BIRC6: variants seen among roughly 807,000 people sequenced by gnomAD.
BIRC6 encodes the protein dual E2 ubiquitin-conjugating enzyme/E3 ubiquitin-protein ligase BIRC6.
Under a neutral mutation model 503.3 loss-of-function variants are expected in BIRC6, and 98 were observed. The ratio of observed to expected loss-of-function variants is 0.19; its 90% CI spans 0.17 to 0.23. The LOEUF is 0.23. Among genes scored for constraint, BIRC6 ranks in the 10% least tolerant of loss-of-function variants. The pLI is 1.00. For synonymous variants in BIRC6, 2,240 were observed against 2,078.7 expected, an observed-to-expected ratio of 1.08 and a Z score of -2.11; for missense variants, 5,360 against 5,806.0, an observed-to-expected ratio of 0.92 and a Z score of 2.50.
chr2:32,598,506 A>G (rs181765100), intron 69 of BIRC6, among the ~76,000 whole-genome samples: 2 of 152,120 alleles, frequency 1.3e-5, no homozygotes, highest in African/African-American at 2.4e-5. Context: ...TGTGAATTAT[A>G]GGTAATACAA....
intron 65 of BIRC6, among the ~76,000 whole-genome samples, chr2:32,571,506 G>GA (rs1412987587): frequency 1.3e-5 from 2 of 150,172 alleles, no homozygotes; most frequent in Non-Finnish European, 3.0e-5. Context: ...ATGTTTCCAG[G>GA]AATTTACTTG....
chr2:32,535,096 C>T (rs1257959792), intron 61 of BIRC6, among the ~76,000 whole-genome samples: 3 of 137,840 alleles, frequency 2.2e-5, no homozygotes, highest in Admixed American at 8.2e-5. Context: ...TACTTGAGCC[C>T]ACGGGTTCCA....
Position 32,415,152 on chromosome 2 carries a change from C to T in BIRC6, c.1861C>T (p.Pro621Ser), listed in dbSNP as rs773766988. 6.2e-7 allele frequency: 1 copy of T among 1,613,990 alleles called. No individual in the cohort carries two copies. The highest frequency in any genetic ancestry group is 2.2e-5 in the East Asian group (1 of 44,886). ...ESCTNSELNSPLVRRTLPVLL... is the reference protein window; with the variant it reads ...ESCTNSELNSSLVRRTLPVLL... ...CTGCACTAATTCAGAACTAAATTCT[C>T]CTCTGGTAAGGAGGACTTTACCGGT... Residue 621 changes from proline to serine, a missense_variant, in exon 10 of 74, where the codon CCT becomes TCT. Transcript: ENST00000421745.
At chr2:32,447,696 CG>C (rs1212156174) in intron 21 of BIRC6, among the ~76,000 whole-genome samples, 1 of 93,556 alleles carries the variant, frequency 1.1e-5, no homozygotes, top group Non-Finnish European at 2.2e-5. Context: ...GCTGGCCGGG[CG>C]GGGGGCTGAC....
At position 32,545,920 on chromosome 2, in the gene BIRC6, G is replaced by A; in HGVS notation, c.12810+60G>A. On this transcript the variant is annotated intron_variant, in intron 63 of 73. Coordinates refer to ENST00000421745, the MANE Select transcript of BIRC6 (RefSeq NM_016252.4). ...AAACTAGATTTAATTAGGGAGTACA[G>A]AATAAAGTTTTTTTCTGAATTAATC... 2.7e-6 allele frequency: 4 copies of A among 1,454,836 alleles called. No homozygotes were observed. In the South Asian group the frequency reaches 3.7e-5, roughly 13 times the overall value. The allele number at this position is 1,454,836 out of a possible 1,614,324, so 90.1% of individuals were successfully genotyped here.
chr2:32,508,113 C>G lies in BIRC6; in HGVS notation c.9834C>G (p.Val3278=). The G allele has an allele frequency of 6.2e-7, 1 of 1,613,916 alleles. No individual in the cohort carries two copies. The highest frequency in any genetic ancestry group is 8.5e-7 in the Non-Finnish European group (1 of 1,179,888). The change falls in exon 51 of 74, where the codon GTC becomes GTG. Residue 3278 remains valine (V), a synonymous_variant. Coordinates refer to ENST00000421745, the MANE Select transcript of BIRC6 (RefSeq NM_016252.4). The part of the protein sequence containing the change: ...QLVKAEVASA[V]CLRLHRPRDA... Reference sequence around the variant, plus strand: ...TAAAAGCCGAAGTAGCTTCTGCTGTCTGCCTTAGACTACATCGTCCACGGG... The same window carrying G: ...TAAAAGCCGAAGTAGCTTCTGCTGTGTGCCTTAGACTACATCGTCCACGGG...
At position 32,468,091 on chromosome 2, in the gene BIRC6, G is replaced by T; in HGVS notation, c.5760G>T (p.Leu1920Phe). 6.2e-7 allele frequency: 1 copy of T among 1,613,908 alleles called. No individual in the cohort carries two copies. Among genetic ancestry groups the T allele is most frequent in the Non-Finnish European group, 8.5e-7 (1 of 1,179,856 alleles). The change falls in exon 28 of 74, where the codon TTG becomes TTT. Residue 1920 changes from leucine (L) to phenylalanine (F), a missense_variant. This residue lies in a region of BIRC6 where 2,299 missense variants were observed against 2,267.2 expected (regional missense o/e 1.01). Transcript: ENST00000421745. Reference protein sequence around the residue: ...IDQHLAMMVALQEDIQCRYNL... With the variant: ...IDQHLAMMVAFQEDIQCRYNL... ...AGCATTTAGCAATGATGGTTGCTTT[G>T]CAGGAGGATATACAGTGCAGGTTAG...
At chr2:32,414,731 G>T in intron 9 of BIRC6, 38 bp from the exon 10 acceptor site, 2 of 1,512,718 alleles carry the variant, frequency 1.3e-6, no homozygotes, top group Non-Finnish European at 1.8e-6. Flanking sequence ...GACTGGATGA[G>T]TAGAAACATA....
At chr2:32,465,842 T>C (rs185143003) in intron 26 of BIRC6, among the ~76,000 whole-genome samples, 2 of 152,358 alleles carry the variant, frequency 1.3e-5, no homozygotes, top group Non-Finnish European at 2.9e-5. Context: ...GTATTTGCGT[T>C]CTTGCAATGT....
chr2:32,596,481 A>T (rs1043937902), intron 68 of BIRC6, among the ~76,000 whole-genome samples: 1 of 151,754 alleles, frequency 6.6e-6, no homozygotes, highest in African/African-American at 2.4e-5. Flanking sequence ...AAAAAAAAAA[A>T]AAAAAAAATC....
At chr2:32,484,471 T>C (rs2050765900) in intron 39 of BIRC6, among the ~76,000 whole-genome samples, 1 of 147,954 alleles carries the variant, frequency 6.8e-6, no homozygotes, top group African/African-American at 2.5e-5. Context: ...AGAATTGCTA[T>C]AACCCTGGGG....
intron 10 of BIRC6, among the ~76,000 whole-genome samples, chr2:32,418,340 T>C (rs1190046224): frequency 6.6e-6 from 1 of 152,230 alleles, no homozygotes. Flanking sequence ...ACACCAACTT[T>C]AATATACTAT....
rs1003094730 is a variant in BIRC6 at position 32,547,165 on chromosome 2, T to C, written c.12811-685T>C. On this transcript the variant is annotated intron_variant, in intron 63 of 73. Transcript: ENST00000421745. ...CAAAGGGTCAGGAATAGCTGAGATA[T>C]CCTTTTGCTATATTTATCCTAAAAA... 5.3e-5 allele frequency among the ~76,000 whole-genome samples: 8 copies of C among 152,234 alleles called. No individual in the cohort carries two copies. In the East Asian group the frequency reaches 5.8e-4, roughly 11 times the overall value.
rs765182508 is a variant in BIRC6, at chr2:32,510,638, C to A, written c.10346+4C>A. 2 of 1,547,344 alleles carry A rather than the reference C, an allele frequency of 1.3e-6. No individual in the cohort carries two copies. The highest frequency in any genetic ancestry group is 1.7e-5 in the Admixed American group (1 of 59,600). ...AGGATCCTGGTACAAAAGACAGGTA[C>A]GATTTTATTTTTCATTTAATTAAGC... On this transcript the variant is annotated splice_donor_region_variant and intron_variant, in intron 53 of 73. Coordinates refer to ENST00000421745, the MANE Select transcript of BIRC6 (RefSeq NM_016252.4).
chr2:32,594,256 T>C, intron 67 of BIRC6, 196 bp downstream of exon 67: 1 of 513,366 alleles, frequency 1.9e-6, no homozygotes. Context: ...TAAACATTTC[T>C]ACTATATATG....
chr2:32,485,840 G>A, intron 40 of BIRC6, 81 bp downstream of exon 40: 2 of 951,876 alleles, frequency 2.1e-6, no homozygotes, highest in Non-Finnish European at 3.2e-6. Context: ...ATCAAGGACA[G>A]ATTTTTAAAT....
intron 53 of BIRC6, among the ~76,000 whole-genome samples, chr2:32,512,267 T>C (rs2054527758): frequency 6.6e-6 from 1 of 152,148 alleles, no homozygotes; most frequent in Non-Finnish European, 1.5e-5. Flanking sequence ...TATTCTGAAA[T>C]AGAAATTGAA....
At chr2:32,519,538 G>A (rs1169624448) in intron 57 of BIRC6, among the ~76,000 whole-genome samples, 1 of 151,956 alleles carries the variant, frequency 6.6e-6, no homozygotes, top group African/African-American at 2.4e-5. Flanking sequence ...ATTTTGAGAG[G>A]GGGGTCTCAC....
chr2:32,386,994 CA>C (rs2038567044), intron 3 of BIRC6, among the ~76,000 whole-genome samples: 1 of 152,154 alleles, frequency 6.6e-6, no homozygotes, highest in African/African-American at 2.4e-5. Flanking sequence ...CTCTCTGAGA[CA>C]GCTTTGGGCT....
Sources: gnomAD v4.1 joint callset for allele counts (sites outside exome capture counted in the v4.1 genomes callset) on GRCh38, gnomAD v4.1.1 for gene constraint, gnomAD v4.1.1 regional missense constraint, MANE v1.5 for transcripts, NCBI Gene and HGNC (gene_info 2026-07-23, HGNC 2026-07-21) for gene names.